ANKRD13B: variants seen among roughly 807,000 people sequenced by gnomAD.
The protein encoded by ANKRD13B is ankyrin repeat domain-containing protein 13B.
In ANKRD13B, 33 loss-of-function variants were observed where a neutral mutation model predicts 74.4. That is an observed-to-expected ratio of 0.44 (90% confidence interval 0.34 to 0.59). The LOEUF is 0.59. Ranked by LOEUF, ANKRD13B falls within the 20% of genes least tolerant of loss-of-function variation. The probability of loss-of-function intolerance (pLI) is 0.02; values close to 1 mark genes in which losing one functional copy is unlikely to be tolerated. For synonymous variants in ANKRD13B, 341 were observed against 362.9 expected, an observed-to-expected ratio of 0.94 and a Z score of 0.68; for missense variants, 676 against 877.9, an observed-to-expected ratio of 0.77 and a Z score of 2.91.
rs1340132460 is a variant in ANKRD13B, at chr17:29,614,741, TAAAAG to T, written c.*1161_*1165del. 6.6e-6 allele frequency: 1 copy of T among 152,530 alleles called. No homozygotes were observed. The highest frequency in any genetic ancestry group is 1.9e-4 in the East Asian group (1 of 5,192). 9.4% of individuals were successfully genotyped at this position (152,530 alleles called of 1,614,324 possible). On this transcript the variant is annotated 3_prime_UTR_variant, in exon 15 of 15. Coordinates refer to ENST00000394859, the MANE Select transcript of ANKRD13B (RefSeq NM_152345.5). ...CACCAGACTGATTCTGAGGCACAAA[TAAAAG>T]AGGCTTCATACCGGAGGCTTTTGCT...
chr17:29,612,543 C>T lies in ANKRD13B; in HGVS notation c.1400C>T (p.Ser467Phe), dbSNP rs991898115. 19 of 1,560,468 alleles carry T rather than the reference C, an allele frequency of 1.2e-5. No homozygotes were observed. Among genetic ancestry groups the T allele is most frequent in the Non-Finnish European group, 1.6e-5 (18 of 1,152,602 alleles). ...AGCGACTCCTCCAGCGTCAGCAGCT[C>T]CAGCTCCACGAGTGAGGCCCCCCGC... Reference protein sequence around the residue: ...PGSDSSSVSSSSSTTSCRGCE... With the variant: ...PGSDSSSVSSFSSTTSCRGCE... The change falls in exon 12 of 15, where the codon TCC becomes TTC. Residue 467 changes from serine to phenylalanine, a missense_variant. Physicochemically the swap from Ser to Phe is radical, Grantham distance 155. Coordinates refer to ENST00000394859, the MANE Select transcript of ANKRD13B (RefSeq NM_152345.5). This position sits in a 1 kb window ranked among gnomAD's most constrained non-coding sequence, Gnocchi z 6.1.
At chr17:29,601,069 A>G (rs1027116206) in intron 1 of ANKRD13B, among the ~76,000 whole-genome samples, 3 of 151,342 alleles carry the variant, frequency 2.0e-5, no homozygotes, top group Non-Finnish European at 2.9e-5. Flanking sequence ...GACGATAGGC[A>G]TGCACCACCA....
At position 29,607,695 on chromosome 17, in the gene ANKRD13B, C is replaced by T. The variant is rs766905448; in HGVS notation, c.115-47C>T. ...GGGCTGTCTGGCTCCGGAGGGCTGCCTCCGACGTGACTGGGGCTTTATCTT... is the reference window on the plus strand; with the variant it reads ...GGGCTGTCTGGCTCCGGAGGGCTGCTTCCGACGTGACTGGGGCTTTATCTT... On this transcript the variant is annotated intron_variant, in intron 1 of 14. Coordinates refer to ENST00000394859, the MANE Select transcript of ANKRD13B (RefSeq NM_152345.5). 5 of 1,565,440 alleles carry T rather than the reference C, an allele frequency of 3.2e-6. No homozygotes were observed. The South Asian group carries it at 4.6e-5, about 14-fold the overall frequency.
intron 1 of ANKRD13B, among the ~76,000 whole-genome samples, chr17:29,594,770 C>T (rs1441899311): frequency 6.6e-6 from 1 of 152,194 alleles, no homozygotes; most frequent in Non-Finnish European, 1.5e-5. Context: ...GTGGTTAGCG[C>T]AGTTGCCCGC....
Position 29,600,024 on chromosome 17 carries a change from C to A in ANKRD13B, c.114+6289C>A, listed in dbSNP as rs1048163643. On this transcript the variant is annotated intron_variant, in intron 1 of 14. Coordinates refer to ENST00000394859, the MANE Select transcript of ANKRD13B (RefSeq NM_152345.5). Reference sequence around the variant, plus strand: ...CCCGAGTAGCTGTGACTACAGGCGCCCGCCACCACGCCCAGCTAATTTTTT... The same window carrying A: ...CCCGAGTAGCTGTGACTACAGGCGCACGCCACCACGCCCAGCTAATTTTTT... 2.6e-5 allele frequency among the ~76,000 whole-genome samples: 4 copies of A among 151,842 alleles called. No individual in the cohort carries two copies. The East Asian group carries it at 7.7e-4, about 29-fold the overall frequency.
intron 8 of ANKRD13B, 85 bp downstream of exon 8, chr17:29,610,851 C>A: frequency 7.5e-7 from 1 of 1,333,092 alleles, no homozygotes; most frequent in Non-Finnish European, 1.1e-6. Context: ...AGTATTCCCA[C>A]TGGCATCCTA....
At chr17:29,601,285 G>A (rs1598602486) in intron 1 of ANKRD13B, among the ~76,000 whole-genome samples, 1 of 149,576 alleles carries the variant, frequency 6.7e-6, no homozygotes, top group Admixed American at 6.7e-5. Flanking sequence ...GCAGTGGTGC[G>A]ATCTCTGTTC....
chr17:29,602,937 C>G (rs1438048205), intron 1 of ANKRD13B, among the ~76,000 whole-genome samples: 1 of 152,048 alleles, frequency 6.6e-6, no homozygotes, highest in African/African-American at 2.4e-5. Flanking sequence ...TTGCAACCTC[C>G]CCTTCCCGGG....
chr17:29,599,969 C>T (rs1446108237), intron 1 of ANKRD13B, among the ~76,000 whole-genome samples: 4 of 150,648 alleles, frequency 2.7e-5, no homozygotes, highest in Admixed American at 2.0e-4. Context: ...CTCCGCCTCC[C>T]GGGTTCACAC....
intron 1 of ANKRD13B, among the ~76,000 whole-genome samples, chr17:29,601,931 A>G (rs533394178): frequency 6.6e-6 from 1 of 152,116 alleles, no homozygotes; most frequent in Non-Finnish European, 1.5e-5. Context: ...ATTTCTTTGA[A>G]TGCTTTTAGG....
Position 29,593,471 on chromosome 17 carries a change from G to T in ANKRD13B, c.-151G>T, listed in dbSNP as rs1435887191. 10 of 172,382 alleles carry T rather than the reference G, an allele frequency of 5.8e-5. No individual in the cohort carries two copies. Among genetic ancestry groups the T allele is most frequent in the Non-Finnish European group, 1.1e-4 (10 of 90,564 alleles). The allele number at this position is 172,382 out of a possible 1,614,324, so 10.7% of individuals were successfully genotyped here. On this transcript the variant is annotated 5_prime_UTR_variant, in exon 1 of 15. Transcript: ENST00000394859. ...GCGCCGCCCGCACCGCGCCGGGCGC[G>T]CCGCCCCCGCCCGCCGCCGCTCGCA...
At chr17:29,593,858 G>C (rs2033854802) in intron 1 of ANKRD13B, 123 bp downstream of exon 1, 4 of 393,648 alleles carry the variant, frequency 1.0e-5, no homozygotes, top group Admixed American at 5.8e-5. Flanking sequence ...CTTTGTTTGC[G>C]GCCGCGGCTT....
At position 29,593,703 on chromosome 17, in the gene ANKRD13B, C is replaced by A; in HGVS notation, c.82C>A (p.Arg28Ser). ...LHYLVWHNRH[R>S]ELEKEVRAGQ... The stretch of plus-strand genomic sequence containing the variant: ...CTACCTCGTGTGGCACAACCGCCAC[C>A]GCGAGCTGGAGAAGGAGGTCCGCGC... The change falls in exon 1 of 15, where the codon CGC (arginine) becomes AGC (serine). Residue 28 changes from arginine (R) to serine (S), a missense_variant. Around this residue, in one of 4 missense-constraint regions of ANKRD13B, gnomAD observed 88 missense variants for 87.8 expected, o/e 1.00. Coordinates refer to ENST00000394859, the MANE Select transcript of ANKRD13B (RefSeq NM_152345.5). 9 of 1,439,304 alleles carry A rather than the reference C, an allele frequency of 6.3e-6. No individual in the cohort carries two copies. Among genetic ancestry groups the A allele is most frequent in the Non-Finnish European group, 7.4e-6 (8 of 1,086,964 alleles). 89.2% of individuals were successfully genotyped at this position (1,439,304 alleles called of 1,614,324 possible).
chr17:29,608,841 C>T lies in ANKRD13B; in HGVS notation c.422-10C>T, dbSNP rs1314797635. On this transcript the variant is annotated splice_polypyrimidine_tract_variant and intron_variant, in intron 4 of 14. Transcript: ENST00000394859. This position sits in a 1 kb window ranked among gnomAD's most constrained non-coding sequence, Gnocchi z 6.4. Reference sequence around the variant, plus strand: ...CAGTCAAAGCCACCTCCAACCTCCGCTTCCACCAGTGCCCCTGGTGTCCAA... The same window carrying T: ...CAGTCAAAGCCACCTCCAACCTCCGTTTCCACCAGTGCCCCTGGTGTCCAA... 1 of 1,613,938 alleles carries T rather than the reference C, an allele frequency of 6.2e-7. No homozygotes were observed. Among genetic ancestry groups the T allele is most frequent in the Non-Finnish European group, 8.5e-7 (1 of 1,179,992 alleles).
chr17:29,608,121 G>A lies in ANKRD13B; in HGVS notation c.375+11G>A, dbSNP rs1555581620. The A allele has an allele frequency of 1.9e-6, 3 of 1,613,604 alleles. No individual in the cohort carries two copies. In the East Asian group the frequency reaches 6.7e-5, roughly 36 times the overall value. The stretch of plus-strand genomic sequence containing the variant: ...GAGAAGCTGCGCAAGGTGAGGCCCA[G>A]CCTCTCAGCCTCCACGGGAGCCCTT... On this transcript the variant is annotated intron_variant, in intron 3 of 14. Coordinates refer to ENST00000394859, the MANE Select transcript of ANKRD13B (RefSeq NM_152345.5). This position sits in a 1 kb window ranked among gnomAD's most constrained non-coding sequence, Gnocchi z 6.4.
Position 29,612,208 on chromosome 17 carries a change from C to A in ANKRD13B, c.1193C>A (p.Ala398Glu), listed in dbSNP as rs758229252. 1 of 1,614,152 alleles carries A rather than the reference C, an allele frequency of 6.2e-7. No individual in the cohort carries two copies. Among genetic ancestry groups the A allele is most frequent in the Admixed American group, 1.7e-5 (1 of 60,032 alleles). ...ATTGACCTCATGGCCGTCAGCAATG[C>A]GCTTTTTGCCAAGCTCCGGGACTTC... The part of the protein sequence containing the change: ...PIIDLMAVSN[A>E]LFAKLRDFIT... The change falls in exon 11 of 15, where the codon GCG (alanine) becomes GAG (glutamate). Residue 398 changes from alanine (A) to glutamate (E), a missense_variant. Ala to Glu is a moderately radical substitution (Grantham distance 107, BLOSUM62 -1). Coordinates refer to ENST00000394859, the MANE Select transcript of ANKRD13B (RefSeq NM_152345.5). The surrounding 1 kb of genome is among the most constrained non-coding windows in gnomAD (Gnocchi z 6.1).
Position 29,612,693 on chromosome 17 carries a change from G to C in ANKRD13B, c.1453G>C (p.Ala485Pro). ...CGAGATCTCCCCAGCGTTGTTCGAG[G>C]CCCCGCGCGGCTACAGCATGATGGG... is the stretch of plus-strand genomic sequence containing the variant. ...GCEISPALFE[A>P]PRGYSMMGGQ... is the part of the protein sequence containing the mutation. The change falls in exon 13 of 15, where the codon GCC becomes CCC. Residue 485 changes from alanine (A) to proline (P), a missense_variant. By Grantham distance (27) the Ala-to-Pro change is conservative (BLOSUM62 -1). Transcript: ENST00000394859. The surrounding 1 kb of genome is among the most constrained non-coding windows in gnomAD (Gnocchi z 6.1). 6.3e-7 allele frequency: 1 copy of C among 1,592,480 alleles called. No homozygotes were observed. Among genetic ancestry groups the C allele is most frequent in the Admixed American group, 1.7e-5 (1 of 58,634 alleles).
At position 29,612,802 on chromosome 17, in the gene ANKRD13B, G is replaced by T. The variant is rs752965424; in HGVS notation, c.1562G>T (p.Ser521Ile). 1 of 1,603,098 alleles carries T rather than the reference G, an allele frequency of 6.2e-7. No homozygotes were observed. ...AIQQSLLEAG[S>I]EYDQVTIWEA... ...CAGCAGAGCCTGCTTGAGGCGGGCA[G>T]TGAGTATGACCAGGTGCGTCTCCGC... Residue 521 changes from serine to isoleucine, a missense_variant, in exon 13 of 15, where the codon AGT becomes ATT. This residue lies in a region of ANKRD13B where 152 missense variants were observed against 181.4 expected (regional missense o/e 0.84). Coordinates refer to ENST00000394859, the MANE Select transcript of ANKRD13B (RefSeq NM_152345.5). This position sits in a 1 kb window ranked among gnomAD's most constrained non-coding sequence, Gnocchi z 6.1.
At position 29,611,433 on chromosome 17, in the gene ANKRD13B, T is replaced by G; in HGVS notation, c.905-146T>G. On this transcript the variant is annotated intron_variant, in intron 8 of 14. Transcript: ENST00000394859. The surrounding 1 kb of genome is among the most constrained non-coding windows in gnomAD (Gnocchi z 4.3). Reference sequence around the variant, plus strand: ...CTTGAAGCACTCAGTCCCCTTCAGGTGAAGGTGCCTGAGTATGTGGTTGGG... The same window carrying G: ...CTTGAAGCACTCAGTCCCCTTCAGGGGAAGGTGCCTGAGTATGTGGTTGGG... The G allele has an allele frequency of 1.4e-6, 1 of 740,282 alleles. No homozygotes were observed. Among genetic ancestry groups the G allele is most frequent in the East Asian group, 2.6e-5 (1 of 37,790 alleles). The allele number at this position is 740,282 out of a possible 1,614,324, so 45.9% of individuals were successfully genotyped here. A position where few individuals can be genotyped will look rare whatever the true frequency, so the allele number is the denominator to read the frequency against.
Sources: gnomAD v4.1 joint callset for allele counts (sites outside exome capture counted in the v4.1 genomes callset) on GRCh38, gnomAD v4.1.1 for gene constraint, gnomAD v4.1.1 regional missense constraint, Gnocchi (gnomAD v3.1) non-coding constraint, MANE v1.5 for transcripts, NCBI Gene and HGNC (gene_info 2026-07-23, HGNC 2026-07-21) for gene names.